Variants in HMBOX1 observed in about 807,000 individuals in gnomAD.
HMBOX1 encodes the protein homeobox containing 1, also known as homeobox-containing protein 1.
HMBOX1 carries 14 observed loss-of-function variants against 54.5 expected under a neutral mutation model. The ratio of observed to expected loss-of-function variants is 0.26; its 90% CI spans 0.17 to 0.40. The LOEUF (loss-of-function observed/expected upper bound fraction) is 0.40, where lower values mean the gene tolerates loss of function less well. Among genes scored for constraint, HMBOX1 ranks in the 10% least tolerant of loss-of-function variants. The probability of loss-of-function intolerance (pLI) is 1.00; values close to 1 mark genes in which losing one functional copy is unlikely to be tolerated. For missense variants in HMBOX1, 332 were observed against 514.4 expected (o/e 0.65, Z 3.43); for synonymous variants, 160 against 181.0 (o/e 0.88, Z 0.93).
At chr8:28,917,535 C>T (rs947988837) in intron 1 of HMBOX1, among the ~76,000 whole-genome samples, 1 of 150,730 alleles carries the variant, frequency 6.6e-6, no homozygotes, top group Admixed American at 6.6e-5. Flanking sequence ...CCAGTCTGTG[C>T]TTTTTTTTTC....
intron 4 of HMBOX1, among the ~76,000 whole-genome samples, chr8:28,990,443 C>G (rs535931383): frequency 6.6e-6 from 1 of 152,186 alleles, no homozygotes; most frequent in Admixed American, 6.5e-5. Flanking sequence ...AGATGACCAC[C>G]TGGTTTTTCT....
intron 6 of HMBOX1, among the ~76,000 whole-genome samples, chr8:29,044,438 A>C (rs182180807): frequency 8.9e-4 from 135 of 152,318 alleles, no homozygotes; most frequent in African/African-American, 3.2e-3. Context: ...GATGGGTCTG[A>C]GAATTCTAAG....
chr8:28,952,136 G>A (rs1823538725), intron 1 of HMBOX1, among the ~76,000 whole-genome samples: 2 of 147,684 alleles, frequency 1.4e-5, no homozygotes, highest in East Asian at 3.9e-4. Context: ...TGATGCCTGG[G>A]TGACAGAGTA....
chr8:29,050,922 C>G lies in HMBOX1; in HGVS notation c.1126-96C>G, dbSNP rs1806352323. 9 of 1,255,522 alleles carry G rather than the reference C, an allele frequency of 7.2e-6. No individual in the cohort carries two copies. In the South Asian group the frequency reaches 1.3e-4, roughly 18 times the overall value. 77.8% of individuals were successfully genotyped at this position (1,255,522 alleles called of 1,614,324 possible). On this transcript the variant is annotated intron_variant, in intron 9 of 9. Coordinates refer to ENST00000287701, the MANE Select transcript of HMBOX1 (RefSeq NM_001135726.3). The stretch of plus-strand genomic sequence containing the variant: ...ATGAGCCCCTCCCCCAGTTTCCTCC[C>G]ACGAATGTTCTGCCTCCCCTTGCCC...
chr8:29,008,545 A>G (rs1166309366), intron 4 of HMBOX1, among the ~76,000 whole-genome samples: 1 of 152,162 alleles, frequency 6.6e-6, no homozygotes, highest in Non-Finnish European at 1.5e-5. Flanking sequence ...GGCTAAATGA[A>G]TTAACAAATA....
At chr8:29,007,061 G>A (rs1563568992) in intron 4 of HMBOX1, among the ~76,000 whole-genome samples, 1 of 152,052 alleles carries the variant, frequency 6.6e-6, no homozygotes, top group Admixed American at 6.5e-5. Context: ...GGCTGAGGCG[G>A]GCGGATCACC....
At chr8:28,902,481 A>G (rs1397220337) in intron 1 of HMBOX1, among the ~76,000 whole-genome samples, 1 of 152,196 alleles carries the variant, frequency 6.6e-6, no homozygotes, top group Non-Finnish European at 1.5e-5. Context: ...CACAGATCTC[A>G]GTACTGCACA....
intron 1 of HMBOX1, among the ~76,000 whole-genome samples, chr8:28,899,827 G>T (rs1194410394): frequency 6.6e-6 from 1 of 152,164 alleles, no homozygotes; most frequent in Non-Finnish European, 1.5e-5. Context: ...CTAGAAGATT[G>T]GAGTCAGATT....
chr8:28,986,014 T>C (rs879520725), intron 4 of HMBOX1, among the ~76,000 whole-genome samples: 1 of 152,224 alleles, frequency 6.6e-6, no homozygotes, highest in Non-Finnish European at 1.5e-5. Flanking sequence ...TAATGACATG[T>C]ATCCACCATT....
At chr8:28,990,166 T>C (rs78814308) in intron 4 of HMBOX1, among the ~76,000 whole-genome samples, 15,580 of 152,222 alleles carry the variant, frequency 0.1, 1,008 homozygotes, top group Middle Eastern at 0.16. Context: ...TCAATGTGTC[T>C]TCTTTCTTTC....
At chr8:28,948,455 T>A (rs1822871554) in intron 1 of HMBOX1, among the ~76,000 whole-genome samples, 1 of 152,220 alleles carries the variant, frequency 6.6e-6, no homozygotes, top group African/African-American at 2.4e-5. Context: ...TTTTTAAAGA[T>A]GATATTCTGT....
chr8:29,047,602 T>C lies in HMBOX1; in HGVS notation c.1030+149T>C, dbSNP rs184939295. On this transcript the variant is annotated intron_variant, in intron 8 of 9. Transcript: ENST00000287701. Reference sequence around the variant, plus strand: ...TTTTTTTTGAGACGGAGTTTCACTCTTGTTGCCCAGGCTGGAGTGCAGTGG... The same window carrying C: ...TTTTTTTTGAGACGGAGTTTCACTCCTGTTGCCCAGGCTGGAGTGCAGTGG... The C allele has an allele frequency of 8.6e-3, 4,480 of 521,338 alleles. 27 individuals are homozygous for C. The highest frequency in any genetic ancestry group is 0.013 in the Non-Finnish European group (3,666 of 292,568). 32.3% of individuals were successfully genotyped at this position (521,338 alleles called of 1,614,324 possible). A position where few individuals can be genotyped will look rare whatever the true frequency, so the allele number is the denominator to read the frequency against.
At chr8:28,900,263 A>ATATATATAT (rs1554519218) in intron 1 of HMBOX1, among the ~76,000 whole-genome samples, 1 of 42,362 alleles carries the variant, frequency 2.4e-5, no homozygotes, top group African/African-American at 5.2e-5. Context: ...TCAAAAAAAA[A>ATATATATAT]AAAAAAAAAT....
chr8:29,044,485 G>A (rs545047627), intron 6 of HMBOX1, among the ~76,000 whole-genome samples: 4 of 151,942 alleles, frequency 2.6e-5, no homozygotes, highest in East Asian at 1.9e-4. Context: ...AAGTACTATC[G>A]TACTTTAAAA....
chr8:28,927,994 G>T (rs763917576), intron 1 of HMBOX1, among the ~76,000 whole-genome samples: 1 of 151,856 alleles, frequency 6.6e-6, no homozygotes, highest in Non-Finnish European at 1.5e-5. Context: ...AATTAGCTGG[G>T]CGTGGTGGCG....
chr8:29,050,672 C>A, intron 9 of HMBOX1: 1 of 241,510 alleles, frequency 4.1e-6, no homozygotes, highest in Non-Finnish European at 8.1e-6. Context: ...GTGATTAGTG[C>A]TATATTTGTT....
intron 1 of HMBOX1, among the ~76,000 whole-genome samples, chr8:28,928,845 AAC>A (rs1818996859): frequency 6.6e-6 from 1 of 152,234 alleles, no homozygotes; most frequent in Admixed American, 6.5e-5. Context: ...TTAGAAGTTG[AAC>A]TCATAGAAAT....
At chr8:29,010,448 C>T (rs988599813) in intron 5 of HMBOX1, among the ~76,000 whole-genome samples, 7 of 151,768 alleles carry the variant, frequency 4.6e-5, no homozygotes, top group Middle Eastern at 3.2e-3. Context: ...CCCAGCTACT[C>T]GGGAGGTTAA....
chr8:29,043,750 G>T (rs1404960228), intron 6 of HMBOX1, among the ~76,000 whole-genome samples: 1 of 152,178 alleles, frequency 6.6e-6, no homozygotes, highest in Non-Finnish European at 1.5e-5. Context: ...CATGCTGTTA[G>T]TTCTCAGAGT....
Sources: allele counts gnomAD v4.1 joint callset (sites outside exome capture counted in the v4.1 genomes callset), GRCh38; gene constraint gnomAD v4.1.1; transcripts MANE v1.5; gene names NCBI Gene and HGNC (gene_info 2026-07-23, HGNC 2026-07-21).